The following FOXN3 variants were observed in gnomAD, a reference collection of about 807,000 sequenced individuals.
FOXN3 encodes forkhead box N3, also known as forkhead box protein N3.
Under a neutral mutation model 38.4 loss-of-function variants are expected in FOXN3, and 7 were observed. The ratio of observed to expected loss-of-function variants is 0.18; its 90% CI spans 0.10 to 0.34. FOXN3 has a LOEUF of 0.34. Ranked by LOEUF, FOXN3 falls within the 10% of genes least tolerant of loss-of-function variation. FOXN3 has a pLI of 1.00. For missense variants in FOXN3, 456 were observed against 613.4 expected, an observed-to-expected ratio of 0.74 and a Z score of 2.71; for synonymous variants, 230 against 242.2, an observed-to-expected ratio of 0.95 and a Z score of 0.47.
rs553043447 is a variant in FOXN3 at position 89,178,020 on chromosome 14, T to C, written c.851+2681A>G. 1.3e-4 allele frequency among the ~76,000 whole-genome samples: 20 copies of C among 152,260 alleles called. No homozygotes were observed. The East Asian group carries it at 3.7e-3, about 28-fold the overall frequency. On this transcript the variant is annotated intron_variant, in intron 5 of 5. Coordinates refer to ENST00000557258, the MANE Select transcript of FOXN3 (RefSeq NM_005197.4). ...CAGCTTTGCTTTCTTTCTAATCATT[T>C]TGATTTTTACATGGTCTCACTCTGT...
At chr14:89,392,405 G>A (rs539348722) in intron 2 of FOXN3, among the ~76,000 whole-genome samples, 1 of 152,290 alleles carries the variant, frequency 6.6e-6, no homozygotes, top group South Asian at 2.1e-4. Context: ...GCCACAAGCC[G>A]GATGGCCCCA....
At chr14:89,487,096 G>A (rs1893461549) in intron 1 of FOXN3, among the ~76,000 whole-genome samples, 1 of 152,130 alleles carries the variant, frequency 6.6e-6, no homozygotes, top group South Asian at 2.1e-4. Context: ...GGTAGACCAA[G>A]TGTACACGCT....
chr14:89,509,246 G>C (rs535693904), intron 1 of FOXN3, among the ~76,000 whole-genome samples: 1 of 152,204 alleles, frequency 6.6e-6, no homozygotes, highest in South Asian at 2.1e-4. Flanking sequence ...ACCCATGCTT[G>C]CATCTCCTGG....
chr14:89,432,626 C>T (rs914547535), intron 1 of FOXN3, among the ~76,000 whole-genome samples: 4 of 152,150 alleles, frequency 2.6e-5, no homozygotes, highest in African/African-American at 7.2e-5. Flanking sequence ...CCCCATGTCC[C>T]TCTGGCCTGC....
chr14:89,605,373 T>C (rs1186838252), intron 1 of FOXN3, among the ~76,000 whole-genome samples: 1 of 151,854 alleles, frequency 6.6e-6, no homozygotes, highest in Non-Finnish European at 1.5e-5. Context: ...AAATAAAATA[T>C]CTAGAGGACC....
chr14:89,156,997 G>A lies in FOXN3; in HGVS notation c.*5417C>T, dbSNP rs1277739868. The A allele has an allele frequency of 6.6e-6, 1 of 152,614 alleles. No individual in the cohort carries two copies. Among genetic ancestry groups the A allele is most frequent in the East Asian group, 1.9e-4 (1 of 5,198 alleles). 9.5% of individuals were successfully genotyped at this position (152,614 alleles called of 1,614,324 possible). A position where few individuals can be genotyped will look rare whatever the true frequency, so the allele number is the denominator to read the frequency against. On this transcript the variant is annotated 3_prime_UTR_variant, in exon 6 of 6. Transcript: ENST00000557258. ...ATAGGTTCACCATATCGAAGTCTTT[G>A]AGAATCCAATATGGAATATCAATTA...
At chr14:89,263,643 CA>C (rs1443679389) in intron 4 of FOXN3, 1 of 152,122 alleles carries the variant, frequency 6.6e-6, no homozygotes, top group Non-Finnish European at 1.5e-5. Flanking sequence ...AATCTGAAAT[CA>C]AATAGGTGTA....
At chr14:89,576,996 G>T (rs942205306) in intron 1 of FOXN3, 1 of 152,182 alleles carries the variant, frequency 6.6e-6, no homozygotes, top group Admixed American at 6.5e-5. Flanking sequence ...TCATTGAAAA[G>T]CGCCCTGTGC....
At chr14:89,237,725 AAGTAC>A (rs1435589729) in intron 4 of FOXN3, among the ~76,000 whole-genome samples, 2 of 152,242 alleles carry the variant, frequency 1.3e-5, no homozygotes, top group Non-Finnish European at 2.9e-5. Flanking sequence ...TCACATTGAG[AAGTAC>A]AGTAAAGTAC....
chr14:89,332,986 A>G (rs1424859354), intron 3 of FOXN3: 1 of 152,254 alleles, frequency 6.6e-6, no homozygotes, highest in East Asian at 1.9e-4. Context: ...AAGGTGCTCA[A>G]CATCACTAAT....
intron 1 of FOXN3, among the ~76,000 whole-genome samples, chr14:89,603,906 A>G (rs188942599): frequency 5.9e-4 from 90 of 152,314 alleles, no homozygotes; most frequent in African/African-American, 2.1e-3. Context: ...AGAGGCATCC[A>G]GCTACAGAGA....
At chr14:89,445,937 C>A (rs1403197199) in intron 1 of FOXN3, among the ~76,000 whole-genome samples, 1 of 150,760 alleles carries the variant, frequency 6.6e-6, no homozygotes, top group African/African-American at 2.4e-5. Flanking sequence ...TAAAAATTAG[C>A]CAGGCATGGT....
intron 3 of FOXN3, among the ~76,000 whole-genome samples, chr14:89,286,556 C>T (rs1886634220): frequency 6.6e-6 from 1 of 152,180 alleles, no homozygotes; most frequent in African/African-American, 2.4e-5. Flanking sequence ...GTGACATCTA[C>T]CACCAGACTG....
rs1884703857 is a variant in FOXN3 at position 89,228,331 on chromosome 14, T to C, written c.746-47525A>G. 1.3e-5 allele frequency among the ~76,000 whole-genome samples: 2 copies of C among 152,232 alleles called. 1 individual carries two copies. Among genetic ancestry groups the C allele is most frequent in the Non-Finnish European group, 2.9e-5 (2 of 68,046 alleles). Reference sequence around the variant, plus strand: ...AACTCTTCAATGTACCCTCAAGATGTTCTTCCACGTTCTGGGTTATGAACG... The same window carrying C: ...AACTCTTCAATGTACCCTCAAGATGCTCTTCCACGTTCTGGGTTATGAACG... On this transcript the variant is annotated intron_variant, in intron 4 of 5. Coordinates refer to ENST00000557258, the MANE Select transcript of FOXN3 (RefSeq NM_005197.4).
intron 1 of FOXN3, among the ~76,000 whole-genome samples, chr14:89,564,800 C>A (rs7359149): frequency 0.031 from 4,722 of 151,922 alleles, 240 homozygotes; most frequent in African/African-American, 0.11. Flanking sequence ...TGACAATGTC[C>A]TCATAAAAAA....
chr14:89,526,554 T>C (rs990972804), intron 1 of FOXN3, among the ~76,000 whole-genome samples: 1 of 152,128 alleles, frequency 6.6e-6, no homozygotes, highest in African/African-American at 2.4e-5. Context: ...ACAAAAGATA[T>C]ACAAGACCCG....
intron 1 of FOXN3, among the ~76,000 whole-genome samples, chr14:89,536,732 C>G (rs1364650413): frequency 2.0e-5 from 3 of 151,814 alleles, no homozygotes; most frequent in South Asian, 4.2e-4. Flanking sequence ...GAGCCGAGAT[C>G]GGGCCTCTGC....
intron 2 of FOXN3, among the ~76,000 whole-genome samples, chr14:89,362,786 C>CCACCACCACCAA (rs757161328): frequency 8.9e-6 from 1 of 112,004 alleles, no homozygotes; most frequent in Non-Finnish European, 1.9e-5. Context: ...ACCACCACCA[C>CCACCACCACCAA]CACCATCTCC....
At chr14:89,416,125 AC>A (rs974235324) in intron 1 of FOXN3, among the ~76,000 whole-genome samples, 1 of 151,882 alleles carries the variant, frequency 6.6e-6, no homozygotes, top group African/African-American at 2.4e-5. Flanking sequence ...CCCACCCAGC[AC>A]GCGCGCGCGC....
Sources: allele counts gnomAD v4.1 joint callset (sites outside exome capture counted in the v4.1 genomes callset), GRCh38; gene constraint gnomAD v4.1.1; transcripts MANE v1.5; gene names NCBI Gene and HGNC (gene_info 2026-07-23, HGNC 2026-07-21).